The following SGK3 variants were observed in gnomAD, a reference collection of about 807,000 sequenced individuals.
SGK3 encodes serine/threonine-protein kinase Sgk3.
SGK3 carries 47 observed loss-of-function variants against 68.5 expected under a neutral mutation model. The ratio of observed to expected loss-of-function variants is 0.69; its 90% CI spans 0.54 to 0.87. The LOEUF is 0.87. Among genes scored for constraint, SGK3 ranks in the 40% least tolerant of loss-of-function variants. The pLI is 0.00. For missense variants in SGK3, 479 were observed against 575.5 expected, an observed-to-expected ratio of 0.83 and a Z score of 1.72; for synonymous variants, 181 against 189.1, an observed-to-expected ratio of 0.96 and a Z score of 0.35.
At chr8:66,813,234 A>G (rs1388916340) in intron 4 of SGK3, among the ~76,000 whole-genome samples, 1 of 152,252 alleles carries the variant, frequency 6.6e-6, no homozygotes, top group Non-Finnish European at 1.5e-5. Context: ...AGCCTGGGCA[A>G]CAGAACAAGA....
chr8:66,798,014 T>TC (rs1039868888), intron 2 of SGK3, among the ~76,000 whole-genome samples: 4 of 152,144 alleles, frequency 2.6e-5, no homozygotes, highest in Admixed American at 2.6e-4. Flanking sequence ...AAACCACTTT[T>TC]TTTTTTTTTC....
chr8:66,719,181 C>T (rs553601553), intron 1 of SGK3, among the ~76,000 whole-genome samples: 1 of 152,246 alleles, frequency 6.6e-6, no homozygotes, highest in Non-Finnish European at 1.5e-5. Flanking sequence ...GAGATTACTG[C>T]TACTGCTGCT....
Position 66,804,421 on chromosome 8 carries a change from G to C in SGK3, c.227G>C (p.Arg76Thr), listed in dbSNP as rs1278157968. ...ATGGCCCTGAAGATTCCTGCCAAGAGAATATTTGGTGATAATTTTGATCCA... is the reference window on the plus strand; with the variant it reads ...ATGGCCCTGAAGATTCCTGCCAAGACAATATTTGGTGATAATTTTGATCCA... ...PAMALKIPAK[R>T]IFGDNFDPDF... The change falls in exon 4 of 17, where the codon AGA becomes ACA. Residue 76 changes from arginine (R) to threonine (T), a missense_variant. By Grantham distance (71) the Arg-to-Thr change is moderately conservative (BLOSUM62 -1). Around this residue, in one of 3 missense-constraint regions of SGK3, gnomAD observed 298 missense variants for 329.4 expected, o/e 0.90. Transcript: ENST00000521198. The C allele has an allele frequency of 6.2e-7, 1 of 1,612,556 alleles. No homozygotes were observed. The highest frequency in any genetic ancestry group is 1.1e-5 in the South Asian group (1 of 90,812).
At chr8:66,780,889 A>G (rs1282793003) in intron 1 of SGK3, among the ~76,000 whole-genome samples, 1 of 152,164 alleles carries the variant, frequency 6.6e-6, no homozygotes, top group Non-Finnish European at 1.5e-5. Flanking sequence ...GAGGGAGTTT[A>G]GAATGGAAGC....
chr8:66,851,011 A>ATT, intron 16 of SGK3, 91 bp downstream of exon 16: 1 of 1,335,412 alleles, frequency 7.5e-7, no homozygotes, highest in East Asian at 2.5e-5. Flanking sequence ...AATCACCTGA[A>ATT]TTAAATGGAG....
chr8:66,720,120 G>A (rs547325827), intron 1 of SGK3, among the ~76,000 whole-genome samples: 8 of 152,324 alleles, frequency 5.3e-5, no homozygotes, highest in African/African-American at 1.9e-4. Context: ...AAGGGAATGA[G>A]GGTGTGTGGA....
At chr8:66,835,878 A>G (rs1431902751) in intron 9 of SGK3, 32 bp downstream of exon 9, 12 of 1,608,488 alleles carry the variant, frequency 7.5e-6, no homozygotes, top group Non-Finnish European at 1.0e-5. Context: ...TCTCAAGCCC[A>G]TTTTCTCAAT....
At chr8:66,753,711 T>C (rs1805894711) in intron 1 of SGK3, among the ~76,000 whole-genome samples, 1 of 151,838 alleles carries the variant, frequency 6.6e-6, no homozygotes, top group South Asian at 2.1e-4. Context: ...TCCCAGCTAC[T>C]CAGGAGGCTG....
At chr8:66,741,276 A>C (rs1805470817) in intron 1 of SGK3, among the ~76,000 whole-genome samples, 1 of 152,124 alleles carries the variant, frequency 6.6e-6, no homozygotes, top group Non-Finnish European at 1.5e-5. Context: ...GGGGCCAGGC[A>C]CGGTGGCTCA....
At chr8:66,770,478 G>A (rs985078821) in intron 1 of SGK3, among the ~76,000 whole-genome samples, 2 of 152,106 alleles carry the variant, frequency 1.3e-5, no homozygotes, top group African/African-American at 2.4e-5. Flanking sequence ...TTACTTCCAT[G>A]TGTTTTTTTC....
intron 8 of SGK3, 115 bp from the exon 9 acceptor site, chr8:66,835,647 TC>T: frequency 9.3e-7 from 1 of 1,074,976 alleles, no homozygotes; most frequent in Non-Finnish European, 1.3e-6. Context: ...ATGATCTAGG[TC>T]CCTTATGGAC....
At chr8:66,781,323 C>G (rs975926004) in intron 1 of SGK3, among the ~76,000 whole-genome samples, 2 of 152,106 alleles carry the variant, frequency 1.3e-5, no homozygotes, top group Non-Finnish European at 2.9e-5. Context: ...AATTTAGGGC[C>G]TTCCTCCTTA....
At chr8:66,720,384 G>C (rs1563593707) in intron 1 of SGK3, among the ~76,000 whole-genome samples, 2 of 152,172 alleles carry the variant, frequency 1.3e-5, no homozygotes, top group African/African-American at 4.8e-5. Context: ...CGTAACCCCA[G>C]CACTTTTAGA....
chr8:66,753,552 C>T (rs1011688882), intron 1 of SGK3, among the ~76,000 whole-genome samples: 2 of 152,160 alleles, frequency 1.3e-5, no homozygotes, highest in East Asian at 1.9e-4. Flanking sequence ...GGGCCAGGCA[C>T]GGTGGCTCAC....
At chr8:66,778,538 G>A (rs551707210) in intron 1 of SGK3, among the ~76,000 whole-genome samples, 120 of 152,266 alleles carry the variant, frequency 7.9e-4, no homozygotes, top group African/African-American at 2.2e-3. Flanking sequence ...CCTCATGATC[G>A]CCCGCCTCGG....
chr8:66,830,740 A>G lies in SGK3; in HGVS notation c.468-514A>G, dbSNP rs539192150. Among the ~76,000 whole-genome samples, 90 of 152,352 alleles carry G rather than the reference A, an allele frequency of 5.9e-4. 1 individual carries two copies. Among genetic ancestry groups the G allele is most frequent in the Non-Finnish European group, 1.1e-3 (75 of 68,018 alleles). ...CTTTAATGTACAATAAGTGGTTTAT[A>G]TGAAACACTGTAATGACTTTTTTCT... On this transcript the variant is annotated intron_variant, in intron 7 of 16. Coordinates refer to ENST00000521198, the MANE Select transcript of SGK3 (RefSeq NM_001033578.3).
rs991545856 is a variant in SGK3 at position 66,804,364 on chromosome 8, A to T, written c.181-11A>T. 1.9e-6 allele frequency: 3 copies of T among 1,602,152 alleles called. No individual in the cohort carries two copies. Among genetic ancestry groups the T allele is most frequent in the East Asian group, 2.2e-5 (1 of 44,596 alleles). On this transcript the variant is annotated splice_polypyrimidine_tract_variant and intron_variant, in intron 3 of 16. Coordinates refer to ENST00000521198, the MANE Select transcript of SGK3 (RefSeq NM_001033578.3). ...AATTAGTTCATATAATGTTATTTTT[A>T]AAAATTTTAGTTAAAAAAACAGTTT...
chr8:66,845,153 C>G (rs1361693858), intron 14 of SGK3, among the ~76,000 whole-genome samples: 1 of 152,218 alleles, frequency 6.6e-6, no homozygotes. Flanking sequence ...AATCCCAGCA[C>G]TTTGGGAGGC....
intron 16 of SGK3, among the ~76,000 whole-genome samples, chr8:66,855,033 C>T (rs114441226): frequency 3.3e-5 from 5 of 152,162 alleles, no homozygotes; most frequent in East Asian, 1.9e-4. Context: ...TGTGGTGGCA[C>T]GCACCTGTGG....
Sources: gnomAD v4.1 joint callset for allele counts (sites outside exome capture counted in the v4.1 genomes callset) on GRCh38, gnomAD v4.1.1 for gene constraint, gnomAD v4.1.1 regional missense constraint, MANE v1.5 for transcripts, NCBI Gene and HGNC (gene_info 2026-07-23, HGNC 2026-07-21) for gene names.